The following PDZRN4 variants were observed in gnomAD, a reference collection of about 807,000 sequenced individuals.
PDZRN4 encodes the protein PDZ domain-containing RING finger protein 4.
PDZRN4 carries 70 observed loss-of-function variants against 99.0 expected under a neutral mutation model. The observed-to-expected ratio is 0.71, with a 90% CI of 0.58 to 0.86. PDZRN4 has a LOEUF of 0.86. Among genes scored for constraint, PDZRN4 ranks in the 40% least tolerant of loss-of-function variants. The pLI is 0.00. For missense variants in PDZRN4, 1,474 were observed against 1,331.2 expected (o/e 1.11, Z -1.67); for synonymous variants, 551 against 501.6 (o/e 1.10, Z -1.32).
At chr12:41,253,524 C>G (rs983143846) in intron 3 of PDZRN4, among the ~76,000 whole-genome samples, 26 of 152,054 alleles carry the variant, frequency 1.7e-4, no homozygotes, top group African/African-American at 6.0e-4. Context: ...AAAGGGGAAC[C>G]CCCATTACTG....
chr12:41,490,411 T>C (rs1431200678), intron 3 of PDZRN4, among the ~76,000 whole-genome samples: 1 of 152,122 alleles, frequency 6.6e-6, no homozygotes, highest in Non-Finnish European at 1.5e-5. Flanking sequence ...CAAGCATGCT[T>C]TCTCAGCGTG....
chr12:41,459,550 G>A (rs1245608794), intron 3 of PDZRN4, among the ~76,000 whole-genome samples: 1 of 152,202 alleles, frequency 6.6e-6, no homozygotes, highest in Non-Finnish European at 1.5e-5. Context: ...AGCCATAGCA[G>A]CATTTGCTGT....
intron 5 of PDZRN4, among the ~76,000 whole-genome samples, chr12:41,538,646 A>G (rs1938792551): frequency 6.6e-6 from 1 of 152,192 alleles, no homozygotes; most frequent in African/African-American, 2.4e-5. Flanking sequence ...CGCAATTGAT[A>G]TAATTGTTGG....
intron 3 of PDZRN4, among the ~76,000 whole-genome samples, chr12:41,315,308 G>C (rs1483284392): frequency 6.6e-6 from 1 of 152,054 alleles, no homozygotes; most frequent in Non-Finnish European, 1.5e-5. Context: ...TATTTCTACT[G>C]TCATGATCAC....
At chr12:41,272,187 A>G (rs1294794772) in intron 3 of PDZRN4, among the ~76,000 whole-genome samples, 1 of 152,040 alleles carries the variant, frequency 6.6e-6, no homozygotes, top group African/African-American at 2.4e-5. Flanking sequence ...CCCTCCACTA[A>G]TATTTACTTT....
intron 3 of PDZRN4, among the ~76,000 whole-genome samples, chr12:41,422,648 G>A (rs146741993): frequency 1.3e-5 from 2 of 152,104 alleles, no homozygotes; most frequent in East Asian, 3.9e-4. Context: ...TCAGCTCTCC[G>A]AAGAACTCAC....
rs547322049 is a variant in PDZRN4, at chr12:41,227,270, A to G, written c.843+33082A>G. Reference sequence around the variant, plus strand: ...TTGAGGTTTGTTCTGTTTATCTTAAATCAAAGAACTAAAATCCCCAGTGAT... The same window carrying G: ...TTGAGGTTTGTTCTGTTTATCTTAAGTCAAAGAACTAAAATCCCCAGTGAT... On this transcript the variant is annotated intron_variant, in intron 3 of 9. Coordinates refer to ENST00000402685, the MANE Select transcript of PDZRN4 (RefSeq NM_001164595.2). Among the ~76,000 whole-genome samples the G allele has an allele frequency of 1.8e-4, 27 of 152,284 alleles. No homozygotes were observed. In the South Asian group the frequency reaches 5.2e-3, roughly 29 times the overall value.
At chr12:41,235,045 C>A (rs1951056748) in intron 3 of PDZRN4, among the ~76,000 whole-genome samples, 1 of 152,108 alleles carries the variant, frequency 6.6e-6, no homozygotes, top group Non-Finnish European at 1.5e-5. Context: ...CCTTTAGAAA[C>A]CTATTAGAAA....
intron 3 of PDZRN4, among the ~76,000 whole-genome samples, chr12:41,311,727 T>C (rs1178322872): frequency 1.3e-5 from 2 of 152,262 alleles, no homozygotes; most frequent in East Asian, 1.9e-4. Flanking sequence ...GCTGTATGAG[T>C]TATTGATGCT....
chr12:41,203,176 G>A (rs1488991584), intron 3 of PDZRN4, among the ~76,000 whole-genome samples: 1 of 151,864 alleles, frequency 6.6e-6, no homozygotes, highest in Admixed American at 6.6e-5. Flanking sequence ...GTACCTTAAA[G>A]AGCTTATAAT....
intron 3 of PDZRN4, among the ~76,000 whole-genome samples, chr12:41,404,817 A>T (rs936918923): frequency 2.0e-5 from 3 of 151,754 alleles, no homozygotes; most frequent in Admixed American, 2.0e-4. Flanking sequence ...AAAACTTAGA[A>T]ATGAAGTCAT....
At chr12:41,401,593 T>C (rs1012965043) in intron 3 of PDZRN4, among the ~76,000 whole-genome samples, 1 of 152,136 alleles carries the variant, frequency 6.6e-6, no homozygotes, top group Admixed American at 6.6e-5. Flanking sequence ...GCTTCTTGAA[T>C]CCATCTCTTC....
Position 41,189,018 on chromosome 12 carries a change from C to T in PDZRN4, c.563C>T (p.Thr188Met), listed in dbSNP as rs1236124953. Residue 188 changes from threonine to methionine, a missense_variant, in exon 1 of 10, where the codon ACG becomes ATG. Physicochemically the swap from Thr to Met is moderately conservative, Grantham distance 81 (BLOSUM62 -1). Transcript: ENST00000402685. Reference sequence around the variant, plus strand: ...GCGCTGCAGGGCGAGGTGCAGCTCACGGCGCGCAGGTACCAGGAGAAGTTC... The same window carrying T: ...GCGCTGCAGGGCGAGGTGCAGCTCATGGCGCGCAGGTACCAGGAGAAGTTC... ...LWALQGEVQL[T>M]ARRYQEKFTQ... is the part of the protein sequence containing the mutation. The T allele has an allele frequency of 1.3e-6, 2 of 1,558,424 alleles. No individual in the cohort carries two copies. The highest frequency in any genetic ancestry group is 1.9e-5 in the Admixed American group (1 of 53,784).
At chr12:41,567,604 C>CT (rs34848026) in intron 8 of PDZRN4, among the ~76,000 whole-genome samples, 179 bp from the exon 9 acceptor site, 12,473 of 144,296 alleles carry the variant, frequency 0.086, 885 homozygotes, top group East Asian at 0.23. Flanking sequence ...CATAAGAGTC[C>CT]TTTTTTTTTT....
chr12:41,567,809 A>G lies in PDZRN4; in HGVS notation c.1494A>G (p.Glu498=). ...IQLDEGWLED[E]RNEFLEELNL... Reference sequence around the variant, plus strand: ...TGGATGAAGGCTGGCTGGAAGATGAAAGGAATGAATTCTTAGAGGAGTTAA... The same window carrying G: ...TGGATGAAGGCTGGCTGGAAGATGAGAGGAATGAATTCTTAGAGGAGTTAA... The change falls in exon 9 of 10, where the codon GAA becomes GAG. Residue 498 remains glutamate, a synonymous_variant. Transcript: ENST00000402685. The G allele has an allele frequency of 1.2e-6, 2 of 1,613,012 alleles. No individual in the cohort carries two copies. The highest frequency in any genetic ancestry group is 1.7e-6 in the Non-Finnish European group (2 of 1,179,266).
intron 3 of PDZRN4, among the ~76,000 whole-genome samples, chr12:41,470,326 T>G (rs1952974051): frequency 6.6e-6 from 1 of 152,128 alleles, no homozygotes; most frequent in Non-Finnish European, 1.5e-5. Flanking sequence ...GAAAAAAAAA[T>G]TAACTTGGTA....
rs926513535 is a variant in PDZRN4 at position 41,203,202 on chromosome 12, G to T, written c.843+9014G>T. Among the ~76,000 whole-genome samples, 4 of 151,958 alleles carry T rather than the reference G, an allele frequency of 2.6e-5. 1 individual carries two copies. Among genetic ancestry groups the T allele is most frequent in the Admixed American group, 1.3e-4 (2 of 15,226 alleles). ...AGCTTATAATCAAGATGGGAAGATA[G>T]TTGTATATTAATTAAACAAGCAACA... On this transcript the variant is annotated intron_variant, in intron 3 of 9. Coordinates refer to ENST00000402685, the MANE Select transcript of PDZRN4 (RefSeq NM_001164595.2).
chr12:41,351,899 A>C (rs915569497), intron 3 of PDZRN4, among the ~76,000 whole-genome samples: 2 of 151,846 alleles, frequency 1.3e-5, no homozygotes, highest in African/African-American at 4.8e-5. Context: ...AATCCCAGCT[A>C]CTCAAGAGGC....
chr12:41,442,778 G>A (rs1952690366), intron 3 of PDZRN4, among the ~76,000 whole-genome samples: 1 of 152,102 alleles, frequency 6.6e-6, no homozygotes, highest in South Asian at 2.1e-4. Flanking sequence ...GGGAGCTTGG[G>A]GGTTTGTGTT....
Sources: allele counts gnomAD v4.1 joint callset (sites outside exome capture counted in the v4.1 genomes callset), GRCh38; gene constraint gnomAD v4.1.1; transcripts MANE v1.5; gene names NCBI Gene and HGNC (gene_info 2026-07-23, HGNC 2026-07-21).